The following SLC17A5 variants were observed in gnomAD, a reference collection of about 807,000 sequenced individuals.
SLC17A5 encodes the protein solute carrier family 17 member 5, also known as sialin.
Under a neutral mutation model 59.4 loss-of-function variants are expected in SLC17A5, and 47 were observed. The ratio of observed to expected loss-of-function variants is 0.79; its 90% CI spans 0.63 to 1.01. The LOEUF (loss-of-function observed/expected upper bound fraction) is 1.01, where lower values mean the gene tolerates loss of function less well. Among genes scored for constraint, SLC17A5 ranks in the 50% least tolerant of loss-of-function variants. The pLI is 0.00. For synonymous variants in SLC17A5, 202 were observed against 210.7 expected (o/e 0.96, Z 0.36); for missense variants, 522 against 595.5 (o/e 0.88, Z 1.28).
At chr6:73,608,669 A>C (rs1374501932) in intron 9 of SLC17A5, among the ~76,000 whole-genome samples, 4 of 152,214 alleles carry the variant, frequency 2.6e-5, no homozygotes, top group Admixed American at 2.0e-4. Context: ...TTCTTGCCAA[A>C]ACTCTCAATT....
In SLC17A5 at chr6:73,641,946, A is replaced by G. The variant is rs12206001; in HGVS notation, c.292-22T>C. ...TACCCTACAAAAATCAGAAAAGAAT[A>G]AAACAATCCTTTAAGACCTTCACAG... On this transcript the variant is annotated intron_variant, in intron 2 of 10. Coordinates refer to ENST00000355773, the MANE Select transcript of SLC17A5 (RefSeq NM_012434.5). 0.067 allele frequency: 106,881 copies of G among 1,591,278 alleles called. 5,105 individuals carry two copies. The highest frequency in any genetic ancestry group is 0.24 in the Admixed American group (14,642 of 59,970).
At chr6:73,615,806 TA>T (rs201204392) in intron 7 of SLC17A5, among the ~76,000 whole-genome samples, 5 of 150,682 alleles carry the variant, frequency 3.3e-5, no homozygotes, top group East Asian at 3.9e-4. Context: ...CTCATTTATT[TA>T]AAAAAAATTT....
chr6:73,650,907 T>C (rs1769829230), intron 1 of SLC17A5, among the ~76,000 whole-genome samples: 1 of 152,214 alleles, frequency 6.6e-6, no homozygotes, highest in Non-Finnish European at 1.5e-5. Context: ...CTTTCTACAC[T>C]TGTATTCTAC....
At chr6:73,650,129 C>T (rs933536406) in intron 1 of SLC17A5, among the ~76,000 whole-genome samples, 4 of 146,302 alleles carry the variant, frequency 2.7e-5, no homozygotes, top group Admixed American at 6.9e-5. Flanking sequence ...GGGAGGCTGA[C>T]GCAGGAGGAT....
At chr6:73,596,286 A>G (rs1766796898) in intron 10 of SLC17A5, among the ~76,000 whole-genome samples, 1 of 152,164 alleles carries the variant, frequency 6.6e-6, no homozygotes, top group Non-Finnish European at 1.5e-5. Context: ...TGTCAGGTGG[A>G]TCAAGTAAAT....
At chr6:73,596,557 A>G (rs948391496) in intron 10 of SLC17A5, among the ~76,000 whole-genome samples, 6 of 152,188 alleles carry the variant, frequency 3.9e-5, no homozygotes, top group African/African-American at 1.2e-4. Context: ...CATTTGCAGC[A>G]TTAACTAAGA....
Position 73,644,604 on chromosome 6 carries a change from C to G in SLC17A5, c.95-1G>C, listed in dbSNP as rs386833995. 1.9e-6 allele frequency: 3 copies of G among 1,612,576 alleles called. No homozygotes were observed. Among genetic ancestry groups the G allele is most frequent in the Non-Finnish European group, 2.5e-6 (3 of 1,179,396 alleles). On this transcript the variant is annotated splice_acceptor_variant, in intron 1 of 10. Coordinates refer to ENST00000355773, the MANE Select transcript of SLC17A5 (RefSeq NM_012434.5). LOFTEE classifies it high-confidence loss of function. ...TAACGAGCAGAGCAGCACACTGGAG[C>G]TGAAATAAAGATTGGGGAAAATTTT...
chr6:73,653,152 C>T, intron 1 of SLC17A5: 1 of 985,404 alleles, frequency 1.0e-6, no homozygotes, highest in Non-Finnish European at 1.2e-6. Flanking sequence ...TGTTTTTAGT[C>T]TCTTACTGCA....
At chr6:73,649,892 G>A (rs958124590) in intron 1 of SLC17A5, among the ~76,000 whole-genome samples, 6 of 152,122 alleles carry the variant, frequency 3.9e-5, no homozygotes, top group African/African-American at 1.4e-4. Flanking sequence ...GTGAAACACA[G>A]GAATGCTGAG....
chr6:73,644,372 T>A (rs1562000763), intron 2 of SLC17A5, 35 bp downstream of exon 2: 17 of 1,498,610 alleles, frequency 1.1e-5, no homozygotes, highest in Non-Finnish European at 1.5e-5. Flanking sequence ...TATTTTAGGA[T>A]AATTAAAATT....
intron 8 of SLC17A5, among the ~76,000 whole-genome samples, 171 bp from the exon 9 acceptor site, chr6:73,610,718 C>T (rs979216289): frequency 2.0e-5 from 3 of 151,902 alleles, no homozygotes; most frequent in East Asian, 1.9e-4. Context: ...AAAACATGGG[C>T]GTAATACAAC....
chr6:73,602,921 C>A (rs962995872), intron 9 of SLC17A5, among the ~76,000 whole-genome samples: 2 of 151,798 alleles, frequency 1.3e-5, no homozygotes, highest in African/African-American at 4.8e-5. Flanking sequence ...AAAAAAATTT[C>A]TTTCCTGATT....
chr6:73,648,909 G>A (rs1769709014), intron 1 of SLC17A5, among the ~76,000 whole-genome samples: 1 of 152,066 alleles, frequency 6.6e-6, no homozygotes, highest in Non-Finnish European at 1.5e-5. Flanking sequence ...ATGATCTGCA[G>A]TATCTAGATT....
chr6:73,648,540 C>T (rs1769688494), intron 1 of SLC17A5, among the ~76,000 whole-genome samples: 1 of 152,158 alleles, frequency 6.6e-6, no homozygotes, highest in African/African-American at 2.4e-5. Context: ...TCTCAGGTTT[C>T]TTAGCTATAA....
intron 1 of SLC17A5, among the ~76,000 whole-genome samples, chr6:73,649,000 A>T (rs1027832095): frequency 3.4e-5 from 5 of 145,180 alleles, no homozygotes; most frequent in Non-Finnish European, 7.6e-5. Context: ...ATAATATATA[A>T]TTTTTTTTTT....
At chr6:73,636,593 T>A in intron 5 of SLC17A5, 28 bp downstream of exon 5, 1 of 1,237,364 alleles carries the variant, frequency 8.1e-7, no homozygotes, top group South Asian at 1.2e-5. Context: ...TTTGTTACAT[T>A]ATAATTTAGT....
intron 2 of SLC17A5, among the ~76,000 whole-genome samples, chr6:73,643,896 A>G (rs1769417631): frequency 1.3e-5 from 2 of 152,218 alleles, no homozygotes; most frequent in South Asian, 4.1e-4. Context: ...ATACACATTT[A>G]TTAATACCAC....
chr6:73,638,838 T>C (rs1034847514), intron 3 of SLC17A5, among the ~76,000 whole-genome samples: 2 of 151,842 alleles, frequency 1.3e-5, no homozygotes, highest in Admixed American at 1.3e-4. Context: ...CAAAGATTCA[T>C]GGATTTTGGA....
At chr6:73,646,680 T>G (rs1581992044) in intron 1 of SLC17A5, among the ~76,000 whole-genome samples, 1 of 129,278 alleles carries the variant, frequency 7.7e-6, no homozygotes, top group Non-Finnish European at 1.5e-5. Context: ...TTTTTCTTTC[T>G]TTTTTTTTTT....
Sources: gnomAD v4.1 joint callset for allele counts (sites outside exome capture counted in the v4.1 genomes callset) on GRCh38, gnomAD v4.1.1 for gene constraint, MANE v1.5 for transcripts, NCBI Gene and HGNC (gene_info 2026-07-23, HGNC 2026-07-21) for gene names.